Variants in WDR27 observed in about 807,000 individuals in gnomAD.
WDR27 encodes the protein WD repeat-containing protein 27.
WDR27 carries 100 observed loss-of-function variants against 114.4 expected under a neutral mutation model. That is an observed-to-expected ratio of 0.87 (90% CI 0.74 to 1.03). The LOEUF is 1.03. Among genes scored for constraint, WDR27 ranks in the 50% least tolerant of loss-of-function variants. WDR27 has a pLI of 0.00. For synonymous variants in WDR27, 449 were observed against 423.1 expected, an observed-to-expected ratio of 1.06 and a Z score of -0.75; for missense variants, 1,129 against 1,092.9, an observed-to-expected ratio of 1.03 and a Z score of -0.47.
intron 25 of WDR27, among the ~76,000 whole-genome samples, chr6:169,508,268 T>C (rs1792273339): frequency 6.6e-6 from 1 of 152,136 alleles, no homozygotes; most frequent in Admixed American, 6.6e-5. Flanking sequence ...TAAAAATACA[T>C]TAAAATCAAG....
intron 2 of WDR27, among the ~76,000 whole-genome samples, chr6:169,687,408 T>C (rs954935295): frequency 1.3e-5 from 2 of 151,792 alleles, no homozygotes; most frequent in Admixed American, 1.3e-4. Context: ...GATAATCCAA[T>C]AGAAAAAAAT....
Position 169,667,996 on chromosome 6 carries a change from C to A in WDR27, c.646G>T (p.Asp216Tyr). Residue 216 changes from aspartate to tyrosine, a missense_variant, in exon 5 of 26, where the codon GAC becomes TAC. Asp to Tyr is a radical substitution (Grantham distance 160). Transcript: ENST00000448612. Reference sequence around the variant, plus strand: ...CCATCCCTCACCTTAAAGCCTCTGTCCTCAGACGCCGAGATGAGGGTGCCT... The same window carrying A: ...CCATCCCTCACCTTAAAGCCTCTGTACTCAGACGCCGAGATGAGGGTGCCT... Reference protein sequence around the residue: ...RAGTLISASEDRGFKVWDHCT... With the variant: ...RAGTLISASEYRGFKVWDHCT... The A allele has an allele frequency of 6.2e-7, 1 of 1,613,456 alleles. No homozygotes were observed. Among genetic ancestry groups the A allele is most frequent in the Non-Finnish European group, 8.5e-7 (1 of 1,179,736 alleles).
At chr6:169,435,441 C>T in the WDR27 span, among the ~76,000 whole-genome samples, 4 of 152,212 alleles carry the variant, frequency 2.6e-5, no homozygotes, top group African/African-American at 9.6e-5. Flanking sequence ...AATGCCAGCC[C>T]ATGAAAGCAG....
At position 169,664,122 on chromosome 6, in the gene WDR27, T is replaced by C. The variant is rs111549648; in HGVS notation, c.904+44A>G. On this transcript the variant is annotated intron_variant, in intron 8 of 25. Transcript: ENST00000448612. ...CCTTGACATGGCGCCTGGTGAAAGA[T>C]CTGGGCCAAGTGGGAGGCCTGAGGG... 4.8e-4 allele frequency: 731 copies of C among 1,519,102 alleles called. 5 individuals are homozygous for C. In the African/African-American group the frequency reaches 9.3e-3, roughly 19 times the overall value. 94.1% of individuals were successfully genotyped at this position (1,519,102 alleles called of 1,614,324 possible). A position where few individuals can be genotyped will look rare whatever the true frequency, so the allele number is the denominator to read the frequency against.
chr6:169,587,221 T>TC (rs1200937492), intron 23 of WDR27, among the ~76,000 whole-genome samples: 1 of 133,130 alleles, frequency 7.5e-6, no homozygotes, highest in Non-Finnish European at 1.6e-5. Context: ...TTTCTTTTTT[T>TC]TTTTTTTTTT....
At chr6:169,450,413 G>A in the WDR27 span, among the ~76,000 whole-genome samples, 1 of 152,244 alleles carries the variant, frequency 6.6e-6, no homozygotes, top group Non-Finnish European at 1.5e-5. Context: ...TGTTGAATGA[G>A]TAAATGAACG....
intron 25 of WDR27, among the ~76,000 whole-genome samples, chr6:169,510,187 T>C (rs1020955943): frequency 6.6e-6 from 1 of 152,214 alleles, no homozygotes. Flanking sequence ...TTGGTGGGAC[T>C]GTAAACTAGT....
chr6:169,573,328 T>A (rs1213849725), intron 24 of WDR27, among the ~76,000 whole-genome samples: 2 of 152,226 alleles, frequency 1.3e-5, no homozygotes, highest in African/African-American at 4.8e-5. Context: ...AACTACCCAA[T>A]ACAATATGAA....
intron 13 of WDR27, among the ~76,000 whole-genome samples, chr6:169,652,235 GTTGTTGTTGTT>G (rs1234189224): frequency 6.6e-6 from 1 of 152,142 alleles, no homozygotes; most frequent in Admixed American, 6.5e-5. Flanking sequence ...TGGTTGTTTT[GTTGTTGTTGTT>G]TTGTTGTTGT....
chr6:169,449,934 T>G, the WDR27 span, among the ~76,000 whole-genome samples: 2 of 152,214 alleles, frequency 1.3e-5, no homozygotes, highest in Non-Finnish European at 2.9e-5. Flanking sequence ...GCACCATAAT[T>G]TAAGAAGCTT....
chr6:169,556,160 C>G (rs76548577), intron 25 of WDR27, among the ~76,000 whole-genome samples: 4,998 of 152,262 alleles, frequency 0.033, 110 homozygotes, highest in Non-Finnish European at 0.042. Flanking sequence ...GGGCTCCTAC[C>G]TGTGAGGTAG....
chr6:169,448,261 T>C, the WDR27 span, among the ~76,000 whole-genome samples: 1 of 152,078 alleles, frequency 6.6e-6, no homozygotes, highest in African/African-American at 2.4e-5. Flanking sequence ...TTATCATTCA[T>C]AGTAGCGTTT....
intron 25 of WDR27, among the ~76,000 whole-genome samples, chr6:169,488,202 C>T (rs947800672): frequency 2.0e-5 from 3 of 152,244 alleles, no homozygotes; most frequent in African/African-American, 7.2e-5. Context: ...CTAATTGAAA[C>T]ACTCATGCAT....
At chr6:169,692,940 T>C (rs1031583993) in intron 1 of WDR27, among the ~76,000 whole-genome samples, 4 of 152,124 alleles carry the variant, frequency 2.6e-5, no homozygotes, top group Non-Finnish European at 5.9e-5. Context: ...CTCGCCAACT[T>C]AGGGAAAGCT....
At chr6:169,481,331 A>G (rs1788018236) in intron 25 of WDR27, among the ~76,000 whole-genome samples, 1 of 152,182 alleles carries the variant, frequency 6.6e-6, no homozygotes, top group Non-Finnish European at 1.5e-5. Flanking sequence ...CAGACCAATC[A>G]GCGCTCTGTA....
chr6:169,558,409 G>A (rs751836724), intron 25 of WDR27: 4 of 152,146 alleles, frequency 2.6e-5, no homozygotes, highest in Non-Finnish European at 5.9e-5. Flanking sequence ...AGAGCCAGGT[G>A]CACTGCTGGA....
intron 23 of WDR27, among the ~76,000 whole-genome samples, chr6:169,583,505 GTATATATACAC>G (rs1803950992): frequency 4.5e-5 from 1 of 22,442 alleles, no homozygotes; most frequent in Non-Finnish European, 2.4e-4. Context: ...ATATATATAT[GTATATATACAC>G]ACACACACAC....
chr6:169,445,758 C>T, the WDR27 span, among the ~76,000 whole-genome samples: 4 of 152,238 alleles, frequency 2.6e-5, no homozygotes, highest in South Asian at 8.3e-4. Context: ...CCCATCACAG[C>T]GGAGGTCTGG....
intron 16 of WDR27, among the ~76,000 whole-genome samples, chr6:169,645,023 T>TAAAAATAAAAAATAAAAAA (rs1820199981): frequency 2.1e-5 from 1 of 46,982 alleles, no homozygotes; most frequent in Non-Finnish European, 3.9e-5. Context: ...AAAAAAAAAA[T>TAAAAATAAAAAATAAAAAA]AAAAAAAAAA....
Sources: gnomAD v4.1 joint callset for allele counts (sites outside exome capture counted in the v4.1 genomes callset) on GRCh38, gnomAD v4.1.1 for gene constraint, MANE v1.5 for transcripts, NCBI Gene and HGNC (gene_info 2026-07-23, HGNC 2026-07-21) for gene names.